Variants in PTPRM observed in about 807,000 individuals in gnomAD.
The protein encoded by PTPRM is receptor-type tyrosine-protein phosphatase mu.
In PTPRM, 47 loss-of-function variants were observed where a neutral mutation model predicts 186.7. The observed-to-expected ratio is 0.25, with a 90% CI of 0.20 to 0.32. The LOEUF is 0.32. Ranked by LOEUF, PTPRM falls within the 10% of genes least tolerant of loss-of-function variation. The pLI is 1.00. For missense variants in PTPRM, 1,494 were observed against 1,865.0 expected, an observed-to-expected ratio of 0.80 and a Z score of 3.66; for synonymous variants, 668 against 674.9, an observed-to-expected ratio of 0.99 and a Z score of 0.16.
In PTPRM at chr18:7,812,083, G is replaced by A. The variant is rs998050847; in HGVS notation, c.196+37812G>A. Reference sequence around the variant, plus strand: ...AAAAATGAATTAAATCCCCTTAAATGAATTAAACACATTTTCAATTTGATG... The same window carrying A: ...AAAAATGAATTAAATCCCCTTAAATAAATTAAACACATTTTCAATTTGATG... On this transcript the variant is annotated intron_variant, in intron 2 of 32. Coordinates refer to ENST00000580170, the MANE Select transcript of PTPRM (RefSeq NM_001105244.2). 1.2e-4 allele frequency among the ~76,000 whole-genome samples: 19 copies of A among 152,130 alleles called. 1 individual carries two copies. The Middle Eastern group carries it at 0.017, about 136-fold the overall frequency.
chr18:8,309,463 G>C (rs2095251636), intron 20 of PTPRM, among the ~76,000 whole-genome samples: 1 of 151,704 alleles, frequency 6.6e-6, no homozygotes, highest in African/African-American at 2.4e-5. Flanking sequence ...TATTTTCATA[G>C]AAGTGTGCAC....
intron 1 of PTPRM, among the ~76,000 whole-genome samples, chr18:7,772,369 T>TTCTTTCTTTCTTTCTTTCTTTCTTTC (rs1568108321): frequency 6.0e-4 from 60 of 100,274 alleles, no homozygotes; most frequent in African/African-American, 2.1e-3. Context: ...CTTTCTTTCT[T>TTCTTTCTTTCTTTCTTTCTTTCTTTC]TCTTTCTTTC....
At chr18:8,292,044 C>T (rs911188926) in intron 19 of PTPRM, among the ~76,000 whole-genome samples, 19 of 152,188 alleles carry the variant, frequency 1.2e-4, no homozygotes, top group African/African-American at 4.6e-4. Flanking sequence ...ATCCCAGTTA[C>T]TGTACTTGCC....
At chr18:7,700,498 A>G (rs111306417) in intron 1 of PTPRM, among the ~76,000 whole-genome samples, 42 of 152,338 alleles carry the variant, frequency 2.8e-4, no homozygotes, top group African/African-American at 9.1e-4. Context: ...GGCACCTTCT[A>G]GACTGTGCAA....
chr18:8,362,168 A>AT (rs1395440330), intron 23 of PTPRM, among the ~76,000 whole-genome samples: 1 of 152,126 alleles, frequency 6.6e-6, no homozygotes, highest in Non-Finnish European at 1.5e-5. Flanking sequence ...GTCCTGGGTG[A>AT]TCCCCGGCCC....
chr18:7,651,773 A>C (rs1488966190), intron 1 of PTPRM, among the ~76,000 whole-genome samples: 1 of 152,196 alleles, frequency 6.6e-6, no homozygotes, highest in African/African-American at 2.4e-5. Context: ...AAAGACTTAA[A>C]CGTTAGACCT....
At chr18:7,858,165 A>G (rs540405166) in intron 2 of PTPRM, among the ~76,000 whole-genome samples, 1 of 152,310 alleles carries the variant, frequency 6.6e-6, no homozygotes, top group African/African-American at 2.4e-5. Context: ...GTGACGTACA[A>G]GGAAGTTCAC....
At chr18:7,888,442 G>T in intron 3 of PTPRM, 65 bp downstream of exon 3, 1 of 1,457,646 alleles carries the variant, frequency 6.9e-7, no homozygotes, top group South Asian at 1.5e-5. Flanking sequence ...ATAAATTATT[G>T]TTATATCATT....
intron 14 of PTPRM, among the ~76,000 whole-genome samples, chr18:8,240,929 A>C (rs930770418): frequency 6.6e-6 from 1 of 152,172 alleles, no homozygotes; most frequent in Admixed American, 6.5e-5. Context: ...GCATGTGCTC[A>C]CTTTCTGTCC....
rs1568675677 is a variant in PTPRM, at chr18:8,289,603, C to CACATATATATATAT, written c.2755-6762_2755-6761insTATATATATATACA. Among the ~76,000 whole-genome samples, 10 of 104,676 alleles carry CACATATATATATAT rather than the reference C, an allele frequency of 9.6e-5. No individual in the cohort carries two copies. The South Asian group carries it at 1.2e-3, about 12-fold the overall frequency. 68.7% of individuals were successfully genotyped at this position (104,676 alleles called of 152,430 possible). A position where few individuals can be genotyped will look rare whatever the true frequency, so the allele number is the denominator to read the frequency against. ...ATATATATATACACATATATATATACACACATATATATATACACATATATA... is the reference window on the plus strand; with the variant it reads ...ATATATATATACACATATATATATACACATATATATATATACACATATATATATACACATATATA... On this transcript the variant is annotated intron_variant, in intron 19 of 32. Transcript: ENST00000580170.
chr18:8,118,877 G>T (rs1181938770), intron 13 of PTPRM, among the ~76,000 whole-genome samples: 2 of 145,964 alleles, frequency 1.4e-5, no homozygotes, highest in Non-Finnish European at 1.5e-5. Context: ...ATCAGCTGTT[G>T]TTAGTGTATT....
intron 9 of PTPRM, among the ~76,000 whole-genome samples, chr18:8,083,019 G>A (rs573442979): frequency 6.6e-6 from 1 of 151,794 alleles, no homozygotes; most frequent in Non-Finnish European, 1.5e-5. Context: ...TCTAAAAGAT[G>A]CCAATTCTTT....
chr18:8,236,786 C>G (rs2094350493), intron 14 of PTPRM, among the ~76,000 whole-genome samples: 1 of 152,176 alleles, frequency 6.6e-6, no homozygotes, highest in Non-Finnish European at 1.5e-5. Context: ...AAGCAGTCCA[C>G]CTGCCTCTGC....
chr18:7,639,143 C>CCACT (rs2038385101), intron 1 of PTPRM, among the ~76,000 whole-genome samples: 1 of 151,382 alleles, frequency 6.6e-6, no homozygotes, highest in Admixed American at 6.6e-5. Flanking sequence ...GGGGCGATCT[C>CCACT]CACTCACTGC....
At chr18:8,070,269 G>A (rs1350204935) in intron 8 of PTPRM, among the ~76,000 whole-genome samples, 4 of 151,580 alleles carry the variant, frequency 2.6e-5, no homozygotes, top group African/African-American at 9.7e-5. Flanking sequence ...TATTTCATTG[G>A]GCTGAAAAAT....
At chr18:7,823,003 C>T (rs1215721879) in intron 2 of PTPRM, among the ~76,000 whole-genome samples, 1 of 152,180 alleles carries the variant, frequency 6.6e-6, no homozygotes, top group Non-Finnish European at 1.5e-5. Flanking sequence ...TAGATGTACA[C>T]CCCTCTTGGC....
At chr18:8,132,770 A>G (rs2092543350) in intron 13 of PTPRM, among the ~76,000 whole-genome samples, 1 of 152,162 alleles carries the variant, frequency 6.6e-6, no homozygotes, top group African/African-American at 2.4e-5. Flanking sequence ...TCATTGTTGG[A>G]TATATATTTC....
chr18:7,842,841 T>TATATATATAGAG (rs1555616753), intron 2 of PTPRM, among the ~76,000 whole-genome samples: 1 of 134,526 alleles, frequency 7.4e-6, no homozygotes, highest in East Asian at 2.2e-4. Context: ...TATATATATA[T>TATATATATAGAG]AGAGAGAGAG....
intron 1 of PTPRM, among the ~76,000 whole-genome samples, chr18:7,725,366 C>T (rs904077772): frequency 2.0e-5 from 3 of 152,096 alleles, no homozygotes; most frequent in Non-Finnish European, 4.4e-5. Context: ...CTAGCCACCC[C>T]AATGGGTATG....
Sources: allele counts gnomAD v4.1 joint callset (sites outside exome capture counted in the v4.1 genomes callset), GRCh38; gene constraint gnomAD v4.1.1; transcripts MANE v1.5; gene names NCBI Gene and HGNC (gene_info 2026-07-23, HGNC 2026-07-21).